ZNF106: variants seen among roughly 807,000 people sequenced by gnomAD.
ZNF106 encodes zinc finger protein 106.
A neutral mutation model predicts 195.1 loss-of-function variants in ZNF106; 67 were observed. That is an observed-to-expected ratio of 0.34 (90% confidence interval 0.28 to 0.42). The LOEUF is 0.42. ZNF106 is among the 10% of genes least tolerant of loss of function. The pLI, the probability that ZNF106 is intolerant of heterozygous loss-of-function variation, is 1.00. For missense variants in ZNF106, 2,118 were observed against 2,304.5 expected (o/e 0.92, Z 1.66); for synonymous variants, 784 against 818.6 (o/e 0.96, Z 0.72).
intron 2 of ZNF106, among the ~76,000 whole-genome samples, chr15:42,471,773 A>C (rs926378740): frequency 3.3e-5 from 5 of 152,232 alleles, no homozygotes; most frequent in African/African-American, 1.2e-4. Context: ...CACCTTGTGG[A>C]CATCTAGGAT....
At chr15:42,485,782 G>A (rs938790413) in intron 1 of ZNF106, among the ~76,000 whole-genome samples, 1 of 152,096 alleles carries the variant, frequency 6.6e-6, no homozygotes, top group Non-Finnish European at 1.5e-5. Flanking sequence ...AAACAATGTG[G>A]TACGAAAGCA....
chr15:42,447,976 T>C, intron 6 of ZNF106, 96 bp downstream of exon 6: 2 of 1,377,570 alleles, frequency 1.5e-6, no homozygotes, highest in Non-Finnish European at 2.0e-6. Context: ...AGAATCACAA[T>C]CCCAGATACC....
In ZNF106 at chr15:42,422,637, G is replaced by C; in HGVS notation, c.5254-17C>G. 1 of 1,591,988 alleles carries C rather than the reference G, an allele frequency of 6.3e-7. No individual in the cohort carries two copies. The highest frequency in any genetic ancestry group is 8.5e-7 in the Non-Finnish European group (1 of 1,171,476). Reference sequence around the variant, plus strand: ...CTCACCAGTCTATGTCAGAAGAGAAGTAAGAGTCACCAGACTGACTTTCGA... The same window carrying C: ...CTCACCAGTCTATGTCAGAAGAGAACTAAGAGTCACCAGACTGACTTTCGA... On this transcript the variant is annotated splice_polypyrimidine_tract_variant and intron_variant, in intron 17 of 21. Transcript: ENST00000564754.
At chr15:42,485,327 T>C (rs2056989050) in intron 1 of ZNF106, among the ~76,000 whole-genome samples, 1 of 152,148 alleles carries the variant, frequency 6.6e-6, no homozygotes, top group Non-Finnish European at 1.5e-5. Context: ...ATATGTTAAT[T>C]AGTTTCATCT....
chr15:42,479,116 A>G (rs1411928437), intron 1 of ZNF106, among the ~76,000 whole-genome samples: 2 of 152,170 alleles, frequency 1.3e-5, no homozygotes, highest in Middle Eastern at 6.3e-3. Flanking sequence ...ACTCACGTCT[A>G]TAATCCCAGT....
At position 42,417,146 on chromosome 15, in the gene ZNF106, T is replaced by G. The variant is rs2054485502; in HGVS notation, c.*158A>C. On this transcript the variant is annotated 3_prime_UTR_variant, in exon 22 of 22. Transcript: ENST00000564754. ...AAGAACTTAAAAGTGTAATTTATCA[T>G]CCCATAGAGCTGCCCAGACTTATGC... The G allele has an allele frequency of 1.5e-6, 1 of 653,616 alleles. No individual in the cohort carries two copies. The highest frequency in any genetic ancestry group is 2.6e-6 in the Non-Finnish European group (1 of 384,290). The allele number at this position is 653,616 out of a possible 1,614,324, so 40.5% of individuals were successfully genotyped here. A position where few individuals can be genotyped will look rare whatever the true frequency, so the allele number is the denominator to read the frequency against.
rs951426046 is a variant in ZNF106, at chr15:42,450,705, C to T, written c.1567G>A (p.Gly523Ser). 10 of 1,614,128 alleles carry T rather than the reference C, an allele frequency of 6.2e-6. No individual in the cohort carries two copies. Among genetic ancestry groups the T allele is most frequent in the Non-Finnish European group, 8.5e-6 (10 of 1,180,032 alleles). The stretch of plus-strand genomic sequence containing the variant: ...CTACGCAGTTTGGATATGTAAGGAC[C>T]ATGGTTATCTTCCACAGTGGGCTTG... ...SNKPTVEDNH[G>S]PYISKLRSSC... Residue 523 changes from glycine (G) to serine (S), a missense_variant, in exon 5 of 22, where the codon GGT (glycine) becomes AGT (serine). By Grantham distance (56) the Gly-to-Ser change is moderately conservative. Coordinates refer to ENST00000564754, the MANE Select transcript of ZNF106 (RefSeq NM_001366845.3).
At chr15:42,435,070 G>A (rs551473480) in intron 14 of ZNF106, among the ~76,000 whole-genome samples, 10 of 152,236 alleles carry the variant, frequency 6.6e-5, no homozygotes, top group South Asian at 2.1e-4. Flanking sequence ...CACTGAGCCC[G>A]GCCTACATTT....
intron 1 of ZNF106, among the ~76,000 whole-genome samples, chr15:42,482,134 C>A (rs1320721788): frequency 2.0e-5 from 3 of 152,150 alleles, no homozygotes; most frequent in Non-Finnish European, 1.5e-5. Flanking sequence ...TCATATTTTT[C>A]AGTTCTAGAA....
In ZNF106 at chr15:42,449,978, G is replaced by C. The variant is rs758179618; in HGVS notation, c.2294C>G (p.Thr765Ser). ...GTTTGGCTCAGGAAGGTGTACTCCA[G>C]TTTTGCTCTTCAAACTAATGTGCCG... ...LTRHISLKSK[T>S]GVHLPEPNLN... is the part of the protein sequence containing the mutation. Residue 765 changes from threonine (T) to serine (S), a missense_variant, in exon 5 of 22, where the codon ACT (threonine) becomes AGT (serine). By Grantham distance (58) the Thr-to-Ser change is moderately conservative (BLOSUM62 1). Coordinates refer to ENST00000564754, the MANE Select transcript of ZNF106 (RefSeq NM_001366845.3). 2 of 1,614,192 alleles carry C rather than the reference G, an allele frequency of 1.2e-6. No homozygotes were observed. The highest frequency in any genetic ancestry group is 3.3e-5 in the Admixed American group (2 of 60,018).
Position 42,442,319 on chromosome 15 carries a change from G to A in ZNF106, c.3517C>T (p.Leu1173=), listed in dbSNP as rs373615382. Residue 1173 remains leucine, a synonymous_variant, in exon 10 of 22, where the codon CTG becomes TTG. Coordinates refer to ENST00000564754, the MANE Select transcript of ZNF106 (RefSeq NM_001366845.3). ...SRSQTSIDAA[L]LPTPFFPLFL... is the part of the protein sequence containing the mutation. ...AGTGGGAAAAAGGGAGTGGGCAGCAGTGCGGCATCAATGGATGTTTGAGAT... is the reference window on the plus strand; with the variant it reads ...AGTGGGAAAAAGGGAGTGGGCAGCAATGCGGCATCAATGGATGTTTGAGAT... 1 of 1,614,120 alleles carries A rather than the reference G, an allele frequency of 6.2e-7. No individual in the cohort carries two copies. Among genetic ancestry groups the A allele is most frequent in the African/African-American group, 1.3e-5 (1 of 74,948 alleles).
intron 13 of ZNF106, among the ~76,000 whole-genome samples, chr15:42,436,496 T>A (rs1195556342): frequency 2.0e-5 from 3 of 152,188 alleles, no homozygotes; most frequent in Non-Finnish European, 4.4e-5. Flanking sequence ...TCCTGGTCCA[T>A]CATCTAACTT....
chr15:42,440,047 C>G (rs1255009410), intron 10 of ZNF106, among the ~76,000 whole-genome samples: 1 of 152,184 alleles, frequency 6.6e-6, no homozygotes, highest in Admixed American at 6.5e-5. Context: ...ACAAAAGCTC[C>G]TTGTGGGGAG....
chr15:42,458,264 C>T (rs1248700589), intron 3 of ZNF106, among the ~76,000 whole-genome samples: 1 of 152,028 alleles, frequency 6.6e-6, no homozygotes, highest in Non-Finnish European at 1.5e-5. Context: ...CATACACACA[C>T]GTGCACCTCT....
chr15:42,462,707 A>G (rs1312057533), intron 3 of ZNF106, among the ~76,000 whole-genome samples: 1 of 152,220 alleles, frequency 6.6e-6, no homozygotes, highest in Non-Finnish European at 1.5e-5. Flanking sequence ...TAGAGGGGAA[A>G]GGGGGGTGGA....
intron 5 of ZNF106, among the ~76,000 whole-genome samples, chr15:42,449,422 G>T (rs2055898966): frequency 6.6e-6 from 1 of 152,130 alleles, no homozygotes; most frequent in Non-Finnish European, 1.5e-5. Context: ...CCAAAATTAA[G>T]ATCTAGAAAA....
Position 42,448,084 on chromosome 15 carries a change from T to G in ZNF106, c.3123A>C (p.Arg1041=). The change falls in exon 6 of 22, where the codon CGA becomes CGC. Residue 1041 remains arginine (R), a synonymous_variant. Transcript: ENST00000564754. ...QNDGQSIRKK[R]RATGDGSSPE... ...GAATTATACTCACTCCAGTGGCTCT[T>G]CGTTTCTTTCTAATACTTTGGCCAT... 6.2e-7 allele frequency: 1 copy of G among 1,610,976 alleles called. No individual in the cohort carries two copies. Among genetic ancestry groups the G allele is most frequent in the Non-Finnish European group, 8.5e-7 (1 of 1,177,822 alleles).
rs2056322699 is a variant in ZNF106 at position 42,459,136 on chromosome 15, T to C, written c.117-1978A>G. On this transcript the variant is annotated intron_variant, in intron 3 of 21. Coordinates refer to ENST00000564754, the MANE Select transcript of ZNF106 (RefSeq NM_001366845.3). ...TTCCACAGGTACTTAAATACATTAT[T>C]TTTACTGAGGGTTTTCAACTGCACT... Among the ~76,000 whole-genome samples the C allele has an allele frequency of 2.0e-5, 3 of 152,204 alleles. No individual in the cohort carries two copies. The South Asian group carries it at 6.2e-4, about 32-fold the overall frequency.
rs1162999546 is a variant in ZNF106 at position 42,418,532 on chromosome 15, ATT to A, written c.5518-583_5518-582del. The stretch of plus-strand genomic sequence containing the variant: ...AGGCGTGCACCACCACGGCCAGTTA[ATT>A]TTTTTTTTTTTTTTTTTTTTTTTTA... On this transcript the variant is annotated intron_variant, in intron 20 of 21. Transcript: ENST00000564754. Among the ~76,000 whole-genome samples the A allele has an allele frequency of 1.4e-4, 13 of 96,246 alleles. No individual in the cohort carries two copies. The South Asian group carries it at 2.2e-3, about 16-fold the overall frequency. 63.1% of individuals were successfully genotyped at this position (96,246 alleles called of 152,430 possible).
Sources: gnomAD v4.1 joint callset for allele counts (sites outside exome capture counted in the v4.1 genomes callset) on GRCh38, gnomAD v4.1.1 for gene constraint, MANE v1.5 for transcripts, NCBI Gene and HGNC (gene_info 2026-07-23, HGNC 2026-07-21) for gene names.